Variants in STX8 observed in about 807,000 individuals in gnomAD.
The protein encoded by STX8 is syntaxin-8.
A neutral mutation model predicts 37.5 loss-of-function variants in STX8; 23 were observed. That is an observed-to-expected ratio of 0.61 (90% confidence interval 0.44 to 0.87). The LOEUF is 0.87. STX8 is among the 40% of genes least tolerant of loss of function. STX8 has a pLI of 0.00. For missense variants in STX8, 313 were observed against 284.7 expected (o/e 1.10, Z -0.71); for synonymous variants, 115 against 99.1 (o/e 1.16, Z -0.95).
chr17:9,270,330 C>A (rs1034546992), intron 7 of STX8, among the ~76,000 whole-genome samples: 1 of 152,130 alleles, frequency 6.6e-6, no homozygotes, highest in Non-Finnish European at 1.5e-5. Context: ...CTGCAAGCAC[C>A]GCCGTCTCCT....
chr17:9,523,094 C>A (rs1476462777), intron 4 of STX8, among the ~76,000 whole-genome samples: 1 of 151,874 alleles, frequency 6.6e-6, no homozygotes, highest in Non-Finnish European at 1.5e-5. Flanking sequence ...AGGTGGATCA[C>A]AAGGTCAAGA....
chr17:9,427,709 A>G (rs1913689773), intron 6 of STX8, among the ~76,000 whole-genome samples: 1 of 152,166 alleles, frequency 6.6e-6, no homozygotes, highest in Non-Finnish European at 1.5e-5. Context: ...GTTCTGAGCC[A>G]GGAGCTATGT....
At position 9,403,710 on chromosome 17, in the gene STX8, G is replaced by A. The variant is rs568659306; in HGVS notation, c.542-25057C>T. ...CGCCCAGGCTGGAGTCCAGTGGCAC[G>A]ATCTCGGCTCACTGCAACCTCTGCC... On this transcript the variant is annotated intron_variant, in intron 6 of 7. Coordinates refer to ENST00000306357, the MANE Select transcript of STX8 (RefSeq NM_004853.3). Among the ~76,000 whole-genome samples, 38 of 151,766 alleles carry A rather than the reference G, an allele frequency of 2.5e-4. No homozygotes were observed. In the South Asian group the frequency reaches 7.3e-3, roughly 29 times the overall value.
chr17:9,384,944 A>G (rs1015123841), intron 6 of STX8, among the ~76,000 whole-genome samples: 4 of 149,278 alleles, frequency 2.7e-5, no homozygotes, highest in Non-Finnish European at 5.9e-5. Flanking sequence ...TTCTCTCCAT[A>G]CCAAAAAAAA....
intron 2 of STX8, among the ~76,000 whole-genome samples, chr17:9,563,672 C>T (rs1167454246): frequency 6.6e-6 from 1 of 152,076 alleles, no homozygotes; most frequent in Non-Finnish European, 1.5e-5. Context: ...GGGAACAAGA[C>T]TTTGAGTGTC....
intron 3 of STX8, among the ~76,000 whole-genome samples, chr17:9,550,737 A>G (rs1906729184): frequency 6.6e-6 from 1 of 152,270 alleles, no homozygotes; most frequent in African/African-American, 2.4e-5. Flanking sequence ...AGGTCACCCA[A>G]TCCCACTCCA....
At chr17:9,278,481 GA>G (rs1392731680) in intron 7 of STX8, among the ~76,000 whole-genome samples, 2 of 151,848 alleles carry the variant, frequency 1.3e-5, no homozygotes, top group Non-Finnish European at 2.9e-5. Context: ...ACATACTTTA[GA>G]ATGCCACAGC....
intron 6 of STX8, among the ~76,000 whole-genome samples, chr17:9,412,440 C>T (rs1444858505): frequency 4.6e-5 from 7 of 152,124 alleles, no homozygotes; most frequent in African/African-American, 1.7e-4. Context: ...CCACCACACC[C>T]AGCTAATTTT....
intron 6 of STX8, among the ~76,000 whole-genome samples, chr17:9,436,134 C>T (rs1254778222): frequency 6.6e-6 from 1 of 151,352 alleles, no homozygotes; most frequent in Non-Finnish European, 1.5e-5. Flanking sequence ...GTCAGGTGAT[C>T]GAGACCATCC....
At chr17:9,260,346 G>A (rs1204179906) in intron 7 of STX8, among the ~76,000 whole-genome samples, 6 of 151,924 alleles carry the variant, frequency 3.9e-5, no homozygotes, top group South Asian at 2.1e-4. Context: ...CAAGAAGGCC[G>A]GGCGCGGTGG....
At chr17:9,542,375 A>G (rs150261388) in intron 4 of STX8, among the ~76,000 whole-genome samples, 1 of 149,568 alleles carries the variant, frequency 6.7e-6, no homozygotes, top group East Asian at 2.0e-4. Flanking sequence ...AAACAAACAA[A>G]AACAACAACA....
At chr17:9,255,569 A>AATAT (rs1156819239) in intron 7 of STX8, among the ~76,000 whole-genome samples, 1 of 126,112 alleles carries the variant, frequency 7.9e-6, no homozygotes, top group Non-Finnish European at 1.8e-5. Context: ...TAAATAAATA[A>AATAT]ATAAATAAAT....
At position 9,466,580 on chromosome 17, in the gene STX8, A is replaced by G. The variant is rs562301057; in HGVS notation, c.541+25249T>C. Among the ~76,000 whole-genome samples the G allele has an allele frequency of 4.6e-5, 7 of 152,308 alleles. No individual in the cohort carries two copies. In the South Asian group the frequency reaches 1.4e-3, roughly 32 times the overall value. On this transcript the variant is annotated intron_variant, in intron 6 of 7. Coordinates refer to ENST00000306357, the MANE Select transcript of STX8 (RefSeq NM_004853.3). ...TCTTCAGAATCCATACAAACTGCAAAAACTCAGGAAGAGTGCTACAGATTT... is the reference window on the plus strand; with the variant it reads ...TCTTCAGAATCCATACAAACTGCAAGAACTCAGGAAGAGTGCTACAGATTT...
At chr17:9,443,985 C>A (rs1012596383) in intron 6 of STX8, among the ~76,000 whole-genome samples, 1 of 152,142 alleles carries the variant, frequency 6.6e-6, no homozygotes, top group Non-Finnish European at 1.5e-5. Context: ...TCATGTGACA[C>A]GACGAATGAT....
At chr17:9,284,199 T>C (rs1390251678) in intron 7 of STX8, among the ~76,000 whole-genome samples, 1 of 152,220 alleles carries the variant, frequency 6.6e-6, no homozygotes, top group Non-Finnish European at 1.5e-5. Context: ...CAATGAAATT[T>C]CCTCAGCAGG....
chr17:9,507,815 C>T lies in STX8; in HGVS notation c.324-2653G>A, dbSNP rs750843452. ...CTGAGACACTCACAAATGTCACTGG[C>T]ATGGATTACAGTTAAAGAAACTACA... On this transcript the variant is annotated intron_variant, in intron 4 of 7. Transcript: ENST00000306357. This position sits in a 1 kb window ranked among gnomAD's most constrained non-coding sequence, Gnocchi z 4.0. Among the ~76,000 whole-genome samples, 1 of 152,178 alleles carries T rather than the reference C, an allele frequency of 6.6e-6. No individual in the cohort carries two copies. Among genetic ancestry groups the T allele is most frequent in the Non-Finnish European group, 1.5e-5 (1 of 68,046 alleles).
At chr17:9,259,246 C>G (rs1196036907) in intron 7 of STX8, among the ~76,000 whole-genome samples, 1 of 152,156 alleles carries the variant, frequency 6.6e-6, no homozygotes, top group Non-Finnish European at 1.5e-5. Context: ...TCGGAAGATA[C>G]AGTACATGAA....
At chr17:9,443,423 T>G (rs904513023) in intron 6 of STX8, among the ~76,000 whole-genome samples, 2 of 152,162 alleles carry the variant, frequency 1.3e-5, no homozygotes, top group Non-Finnish European at 2.9e-5. Context: ...GAAATTTAAA[T>G]TAAGCAATGT....
rs185011165 is a variant in STX8, at chr17:9,267,454, G to A, written c.644-16809C>T. On this transcript the variant is annotated intron_variant, in intron 7 of 7. Coordinates refer to ENST00000306357, the MANE Select transcript of STX8 (RefSeq NM_004853.3). ...CCTTCCCCATGTGTGATGGCCTTCA[G>A]TGCTCAATGCTGCCCATATCCCCCG... Among the ~76,000 whole-genome samples the A allele has an allele frequency of 5.6e-3, 856 of 152,278 alleles. 6 individuals carry two copies. The highest frequency in any genetic ancestry group is 0.029 in the South Asian group (141 of 4,822).
Sources: allele counts gnomAD v4.1 joint callset (sites outside exome capture counted in the v4.1 genomes callset), GRCh38; gene constraint gnomAD v4.1.1; non-coding constraint Gnocchi (gnomAD v3.1); transcripts MANE v1.5; gene names NCBI Gene and HGNC (gene_info 2026-07-23, HGNC 2026-07-21).